Variants in FBLN2 observed in about 807,000 individuals in gnomAD.
FBLN2 encodes fibulin 2, also known as fibulin-2.
A neutral mutation model predicts 123.7 loss-of-function variants in FBLN2; 81 were observed. The observed-to-expected ratio is 0.65, with a 90% CI of 0.55 to 0.79. FBLN2 has a LOEUF of 0.79. FBLN2 is among the 30% of genes least tolerant of loss of function. FBLN2 has a pLI of 0.00. For missense variants in FBLN2, 1,603 were observed against 1,681.3 expected, an observed-to-expected ratio of 0.95 and a Z score of 0.81; for synonymous variants, 699 against 701.4, an observed-to-expected ratio of 1.00 and a Z score of 0.05.
chr3:13,567,441 T>G (rs1703782740), intron 1 of FBLN2, among the ~76,000 whole-genome samples: 1 of 152,172 alleles, frequency 6.6e-6, no homozygotes. Flanking sequence ...CACTCCAACC[T>G]CCGCCTCCGG....
At chr3:13,612,413 C>G (rs1170958181) in intron 4 of FBLN2, among the ~76,000 whole-genome samples, 1 of 150,180 alleles carries the variant, frequency 6.7e-6, no homozygotes, top group Non-Finnish European at 1.5e-5. Context: ...CGGAGTCTCG[C>G]TCTGTCACCC....
At chr3:13,622,610 A>C (rs1705892607) in intron 9 of FBLN2, among the ~76,000 whole-genome samples, 1 of 152,236 alleles carries the variant, frequency 6.6e-6, no homozygotes, top group Admixed American at 6.5e-5. Flanking sequence ...GTGAGGGCTC[A>C]TACCCGGCAC....
At chr3:13,590,406 A>C (rs927614588) in intron 2 of FBLN2, among the ~76,000 whole-genome samples, 2 of 151,970 alleles carry the variant, frequency 1.3e-5, no homozygotes, top group African/African-American at 4.8e-5. Flanking sequence ...GCTCACTGCA[A>C]CCTCCGCTTC....
At chr3:13,585,327 A>G (rs1704462281) in intron 2 of FBLN2, among the ~76,000 whole-genome samples, 2 of 152,226 alleles carry the variant, frequency 1.3e-5, no homozygotes, top group Admixed American at 6.5e-5. Flanking sequence ...GAGTGTGCAG[A>G]GTGGCCAGTT....
At chr3:13,629,702 C>G in intron 13 of FBLN2, 118 bp from the exon 14 acceptor site, 1 of 1,380,874 alleles carries the variant, frequency 7.2e-7, no homozygotes, top group Non-Finnish European at 9.7e-7. Context: ...CTCTCCCTGT[C>G]TTTCCTTCTG....
In FBLN2 at chr3:13,585,651, C is replaced by T. The variant is rs1281904452; in HGVS notation, c.1306+13990C>T. 2.6e-5 allele frequency among the ~76,000 whole-genome samples: 4 copies of T among 152,224 alleles called. No individual in the cohort carries two copies. In the East Asian group the frequency reaches 7.7e-4, roughly 29 times the overall value. On this transcript the variant is annotated intron_variant, in intron 2 of 17. Transcript: ENST00000404922. ...ACAAAAGCCTAGCACATGGGCTGGG[C>T]GTGGTGGCTTATGCCTGTAATCCCA...
At chr3:13,549,372 G>A (rs1320225730) in intron 1 of FBLN2, among the ~76,000 whole-genome samples, 164 bp downstream of exon 1, 2 of 151,354 alleles carry the variant, frequency 1.3e-5, no homozygotes, top group Admixed American at 6.6e-5. Flanking sequence ...ACCGGGTCTC[G>A]CTCTCCCGGT....
intron 11 of FBLN2, 121 bp downstream of exon 11, chr3:13,628,090 C>T (rs1311348361): frequency 7.8e-7 from 1 of 1,281,738 alleles, no homozygotes; most frequent in Non-Finnish European, 1.1e-6. Context: ...CTCTCCCAGC[C>T]CCCTTGTCCC....
chr3:13,611,894 A>C (rs976939699), intron 4 of FBLN2, among the ~76,000 whole-genome samples: 2 of 152,186 alleles, frequency 1.3e-5, no homozygotes, highest in Non-Finnish European at 2.9e-5. Context: ...CCCAGTGAAC[A>C]TGAGAAAAAA....
intron 9 of FBLN2, among the ~76,000 whole-genome samples, chr3:13,626,086 C>A (rs566278529): frequency 1.3e-5 from 2 of 152,272 alleles, no homozygotes; most frequent in South Asian, 4.1e-4. Flanking sequence ...CTCCCTGTCT[C>A]CTGCGTCCTG....
At chr3:13,621,362 A>G (rs1317528165) in intron 8 of FBLN2, among the ~76,000 whole-genome samples, 1 of 152,202 alleles carries the variant, frequency 6.6e-6, no homozygotes, top group Non-Finnish European at 1.5e-5. Context: ...GATGGAGCAC[A>G]GACACTCAGT....
chr3:13,589,896 A>G (rs989696047), intron 2 of FBLN2, among the ~76,000 whole-genome samples: 1 of 152,190 alleles, frequency 6.6e-6, no homozygotes, highest in Non-Finnish European at 1.5e-5. Context: ...TTGAAGCATA[A>G]TGTACATGCT....
intron 2 of FBLN2, among the ~76,000 whole-genome samples, chr3:13,579,929 G>C (rs1704268913): frequency 6.6e-6 from 1 of 152,222 alleles, no homozygotes; most frequent in East Asian, 1.9e-4. Context: ...TGAGACAAGA[G>C]CCGGCCCTAG....
intron 1 of FBLN2, among the ~76,000 whole-genome samples, chr3:13,566,025 T>C (rs1414480407): frequency 6.6e-6 from 1 of 152,230 alleles, no homozygotes; most frequent in African/African-American, 2.4e-5. Context: ...TTGTTGTTTC[T>C]TGCGTCCCCA....
At chr3:13,624,649 G>A (rs1391807892) in intron 9 of FBLN2, among the ~76,000 whole-genome samples, 1 of 152,208 alleles carries the variant, frequency 6.6e-6, no homozygotes, top group Non-Finnish European at 1.5e-5. Context: ...CAGCTCGAAT[G>A]TCACCACTCC....
At chr3:13,590,730 A>G (rs569577323) in intron 2 of FBLN2, among the ~76,000 whole-genome samples, 1 of 152,374 alleles carries the variant, frequency 6.6e-6, no homozygotes, top group South Asian at 2.1e-4. Context: ...TTTGAGACTC[A>G]TGCATATTGG....
chr3:13,576,550 G>A (rs943133752), intron 2 of FBLN2, among the ~76,000 whole-genome samples: 19 of 152,238 alleles, frequency 1.2e-4, no homozygotes, highest in African/African-American at 4.6e-4. Context: ...GGAGGGGGAT[G>A]AGTGAAGGCA....
At position 13,629,020 on chromosome 3, in the gene FBLN2, C is replaced by G. The variant is rs761995630; in HGVS notation, c.2685C>G (p.His895Gln). Residue 895 changes from histidine (H) to glutamine (Q), a missense_variant, in exon 12 of 18, where the codon CAC becomes CAG. Physicochemically the swap from His to Gln is conservative, Grantham distance 24. Coordinates refer to ENST00000404922, the MANE Select transcript of FBLN2 (RefSeq NM_001004019.2). The part of the protein sequence containing the change: ...RNPLICARGY[H>Q]ASDDGTKCVD... Reference sequence around the variant, plus strand: ...CGCTGATCTGCGCGCGCGGCTACCACGCCAGCGATGATGGGACCAAGTGTG... The same window carrying G: ...CGCTGATCTGCGCGCGCGGCTACCAGGCCAGCGATGATGGGACCAAGTGTG... 38 of 1,613,294 alleles carry G rather than the reference C, an allele frequency of 2.4e-5. No individual in the cohort carries two copies. In the South Asian group the frequency reaches 3.8e-4, roughly 16 times the overall value.
chr3:13,621,913 TGG>T lies in FBLN2; in HGVS notation c.2296_2296+1del. The T allele has an allele frequency of 6.2e-7, 1 of 1,611,906 alleles. No homozygotes were observed. The highest frequency in any genetic ancestry group is 8.5e-7 in the Non-Finnish European group (1 of 1,179,138). ...ATCCTCAATGCGCACAGGAAGTGCG[TGG>T]GTAAGCCAGGGCCCCGCCTGCCGCC... On this transcript the variant is annotated frameshift_variant and splice_region_variant, in exon 9 of 18. Transcript: ENST00000404922. LOFTEE classifies it high-confidence loss of function.
Sources: allele counts gnomAD v4.1 joint callset (sites outside exome capture counted in the v4.1 genomes callset), GRCh38; gene constraint gnomAD v4.1.1; transcripts MANE v1.5; gene names NCBI Gene and HGNC (gene_info 2026-07-23, HGNC 2026-07-21).